The following TRPC5 variants were observed in gnomAD, a reference collection of about 807,000 sequenced individuals.
TRPC5 encodes transient receptor potential cation channel subfamily C member 5.
TRPC5 carries 9 observed loss-of-function variants against 56.5 expected under a neutral mutation model. The observed-to-expected ratio is 0.16, with a 90% confidence interval of 0.10 to 0.28. The LOEUF (loss-of-function observed/expected upper bound fraction) is 0.28. Ranked by LOEUF, TRPC5 falls within the 10% of genes least tolerant of loss-of-function variation. TRPC5 has a pLI of 1.00. For synonymous variants in TRPC5, 282 were observed against 278.5 expected (o/e 1.01, Z -0.13); for missense variants, 469 against 748.9 (o/e 0.63, Z 4.36).
At chrX:111,854,617 A>C (rs1032814151) in intron 3 of TRPC5, among the ~76,000 whole-genome samples, 1 of 112,224 alleles carries the variant, frequency 8.9e-6, no homozygotes. Context: ...ATTGATTCAC[A>C]TCCGCTCATT....
chrX:112,066,858 A>G (rs191286552), intron 1 of TRPC5, among the ~76,000 whole-genome samples: 110 of 112,291 alleles, frequency 9.8e-4, no homozygotes, highest in African/African-American at 3.4e-3. Flanking sequence ...TCTCCTTACC[A>G]GTTCTGATTT....
At chrX:112,051,981 C>T (rs915407654) in intron 1 of TRPC5, among the ~76,000 whole-genome samples, 1 of 111,844 alleles carries the variant, frequency 8.9e-6, no homozygotes, top group Non-Finnish European at 1.9e-5. Flanking sequence ...CTGAATAATA[C>T]TCCATTGTAT....
intron 7 of TRPC5, among the ~76,000 whole-genome samples, chrX:111,812,115 GT>G (rs59613500): frequency 0.25 from 25,372 of 102,326 alleles, 7,686 homozygotes; most frequent in African/African-American, 0.83. Context: ...AATGCCGGTG[GT>G]TTTTTTTTTT....
intron 7 of TRPC5, among the ~76,000 whole-genome samples, chrX:111,794,847 C>T (rs1946047852): frequency 9.0e-6 from 1 of 111,564 alleles, no homozygotes; most frequent in Non-Finnish European, 1.9e-5. Context: ...CCATCTAATA[C>T]CATCACATTG....
In TRPC5 at chrX:111,776,012, A is replaced by AAAAGC. The variant is rs1210594351; in HGVS notation, c.*296_*300dup. 1 of 206,210 alleles carries AAAAGC rather than the reference A, an allele frequency of 4.8e-6. No homozygotes were observed. Among genetic ancestry groups the AAAAGC allele is most frequent in the Non-Finnish European group, 8.8e-6 (1 of 113,486 alleles). 17.0% of individuals were successfully genotyped at this position (206,210 alleles called of 1,213,427 possible). On this transcript the variant is annotated 3_prime_UTR_variant, in exon 11 of 11. Transcript: ENST00000262839. ...GGGGCTTCAAGGAAGCATGGGTGAG[A>AAAAGC]AAAGCAAAGCAAAAAGGTTAAGCAC... is the stretch of plus-strand genomic sequence containing the variant.
chrX:112,012,658 TCA>T (rs1341402776), intron 1 of TRPC5, among the ~76,000 whole-genome samples: 1 of 111,758 alleles, frequency 8.9e-6, no homozygotes, highest in African/African-American at 3.3e-5. Context: ...ATGTCTGAGT[TCA>T]CACAGTTACT....
At chrX:111,927,886 C>T (rs771214868) in intron 2 of TRPC5, among the ~76,000 whole-genome samples, 2 of 108,765 alleles carry the variant, frequency 1.8e-5, no homozygotes, top group East Asian at 5.8e-4. Context: ...CTGGAAGCAC[C>T]CTGGGGCAAT....
Position 112,074,299 on chromosome X carries a change from T to TTA in TRPC5, c.-22+7578_-22+7579dup, listed in dbSNP as rs749020277. Among the ~76,000 whole-genome samples, 819 of 100,020 alleles carry TTA rather than the reference T, an allele frequency of 8.2e-3. 4 individuals are homozygous for TTA. Among genetic ancestry groups the TTA allele is most frequent in the African/African-American group, 0.031 (738 of 24,110 alleles). 86.9% of individuals were successfully genotyped at this position (100,020 alleles called of 115,157 possible). On this transcript the variant is annotated intron_variant, in intron 1 of 10. Transcript: ENST00000262839. Reference sequence around the variant, plus strand: ...GTTTATCATCTTTATTTTTATTTTATTATATATATATATATATTTTTTATT... The same window carrying TTA: ...GTTTATCATCTTTATTTTTATTTTATTATATATATATATATATATTTTTTATT...
chrX:112,031,301 C>T (rs1387401395), intron 1 of TRPC5, among the ~76,000 whole-genome samples: 3 of 111,804 alleles, frequency 2.7e-5, no homozygotes, highest in Non-Finnish European at 3.8e-5. Context: ...TTTCCTGCTC[C>T]CTCCAGTCCC....
chrX:111,977,458 C>A (rs1351171450), intron 1 of TRPC5, among the ~76,000 whole-genome samples: 1 of 111,941 alleles, frequency 8.9e-6, no homozygotes, highest in Non-Finnish European at 1.9e-5. Context: ...ATATCTTACA[C>A]TGTACACAAA....
chrX:111,972,056 A>G (rs1216643982), intron 1 of TRPC5, among the ~76,000 whole-genome samples: 1 of 111,502 alleles, frequency 9.0e-6, no homozygotes, highest in Non-Finnish European at 1.9e-5. Context: ...AAATACTGAT[A>G]TGAAATGCGT....
At chrX:112,049,432 TACACAC>T (rs762624712) in intron 1 of TRPC5, among the ~76,000 whole-genome samples, 3 of 104,220 alleles carry the variant, frequency 2.9e-5, no homozygotes, top group Non-Finnish European at 3.9e-5. Flanking sequence ...CGCATATATA[TACACAC>T]ACACACACAC....
chrX:111,898,273 A>ATT (rs1259573866), intron 3 of TRPC5, among the ~76,000 whole-genome samples: 1 of 97,119 alleles, frequency 1.0e-5, no homozygotes, highest in Non-Finnish European at 2.0e-5. Context: ...ATATATATAT[A>ATT]TATAGACACA....
At chrX:111,802,541 C>G (rs1452610425) in intron 7 of TRPC5, among the ~76,000 whole-genome samples, 2 of 111,644 alleles carry the variant, frequency 1.8e-5, no homozygotes, top group Non-Finnish European at 3.8e-5. Context: ...CCATCATTGG[C>G]TTTTTAAAAA....
chrX:112,058,282 A>C (rs920539208), intron 1 of TRPC5, among the ~76,000 whole-genome samples: 3 of 112,172 alleles, frequency 2.7e-5, no homozygotes, highest in Admixed American at 1.9e-4. Context: ...CAGTGTTTTT[A>C]CTCACCAGCT....
chrX:111,884,763 T>C (rs1486244387), intron 3 of TRPC5, among the ~76,000 whole-genome samples: 1 of 113,026 alleles, frequency 8.8e-6, no homozygotes, highest in Non-Finnish European at 1.9e-5. Flanking sequence ...TTATAGCCTA[T>C]CCAGTGGATA....
chrX:111,916,351 C>A (rs1255023007), intron 2 of TRPC5, among the ~76,000 whole-genome samples: 6 of 111,508 alleles, frequency 5.4e-5, no homozygotes, highest in Non-Finnish European at 9.4e-5. Flanking sequence ...GTATTTTTCA[C>A]AATTCTATTG....
chrX:111,807,435 A>T (rs372593233), intron 7 of TRPC5, among the ~76,000 whole-genome samples: 24 of 112,334 alleles, frequency 2.1e-4, no homozygotes, highest in African/African-American at 2.9e-4. Flanking sequence ...CTATCTTTTT[A>T]AAAAAATGTA....
At chrX:111,869,810 GA>G (rs1302899926) in intron 3 of TRPC5, among the ~76,000 whole-genome samples, 2 of 111,155 alleles carry the variant, frequency 1.8e-5, no homozygotes, top group Non-Finnish European at 3.8e-5. Flanking sequence ...GAGAGTTCTG[GA>G]AGTAAAGGGG....
Sources: allele counts gnomAD v4.1 joint callset (sites outside exome capture counted in the v4.1 genomes callset), GRCh38; gene constraint gnomAD v4.1.1; transcripts MANE v1.5; gene names NCBI Gene and HGNC (gene_info 2026-07-23, HGNC 2026-07-21).